Variants in TBC1D30 observed in about 807,000 individuals in gnomAD.
TBC1D30 encodes TBC1 domain family, member 30.
A neutral mutation model predicts 63.2 loss-of-function variants in TBC1D30; 31 were observed. The observed-to-expected ratio is 0.49, with a 90% CI of 0.37 to 0.66. The LOEUF (loss-of-function observed/expected upper bound fraction) is 0.66, where lower values mean the gene tolerates loss of function less well. TBC1D30 is among the 30% of genes least tolerant of loss of function. TBC1D30 has a pLI of 0.00. For missense variants in TBC1D30, 810 were observed against 953.6 expected (o/e 0.85, Z 1.98); for synonymous variants, 307 against 361.5 (o/e 0.85, Z 1.71).
At chr12:64,859,121 G>A (rs1437187411) in intron 8 of TBC1D30, among the ~76,000 whole-genome samples, 8 of 151,864 alleles carry the variant, frequency 5.3e-5, no homozygotes, top group East Asian at 1.9e-4. Context: ...ACATATATGC[G>A]AGGGTGTTGT....
intron 2 of TBC1D30, among the ~76,000 whole-genome samples, chr12:64,803,716 T>C (rs1224802657): frequency 6.6e-6 from 1 of 152,224 alleles, no homozygotes. Context: ...TTTCTACATA[T>C]GGCTAGCCAG....
chr12:64,796,143 G>GT (rs754180803), intron 2 of TBC1D30, among the ~76,000 whole-genome samples: 4,978 of 129,874 alleles, frequency 0.038, 199 homozygotes, highest in African/African-American at 0.11. Flanking sequence ...AAAGTTAAGA[G>GT]TTTTTTTTTT....
chr12:64,793,445 A>T (rs1466472928), intron 2 of TBC1D30, among the ~76,000 whole-genome samples: 1 of 148,592 alleles, frequency 6.7e-6, no homozygotes, highest in Non-Finnish European at 1.5e-5. Context: ...GGAGTTCAAG[A>T]CCATCCTGGC....
rs551101700 is a variant in TBC1D30 at position 64,827,722 on chromosome 12, C to A, written c.155-113C>A. ...AATTGACTAAAATTTAGTAAAGATA[C>A]ATACTTTAAAAAAAATTGTGATGAT... is the stretch of plus-strand genomic sequence containing the variant. On this transcript the variant is annotated intron_variant, in intron 1 of 11. Transcript: ENST00000539867. The A allele has an allele frequency of 2.0e-5, 15 of 762,064 alleles. No homozygotes were observed. The East Asian group carries it at 2.5e-4, about 13-fold the overall frequency. The allele number at this position is 762,064 out of a possible 1,614,324, so 47.2% of individuals were successfully genotyped here.
rs545859099 is a variant in TBC1D30, at chr12:64,878,506, T to C, written c.*2718T>C. ...TACAAAAGCCTCCAGATGATCTAAA[T>C]CTAGTTAGCAATGTCAGCCTGTGGA... On this transcript the variant is annotated 3_prime_UTR_variant, in exon 12 of 12. Coordinates refer to ENST00000539867, the MANE Select transcript of TBC1D30 (RefSeq NM_015279.2). 5 of 456,740 alleles carry C rather than the reference T, an allele frequency of 1.1e-5. No homozygotes were observed. The highest frequency in any genetic ancestry group is 7.7e-5 in the South Asian group (5 of 64,568). The allele number at this position is 456,740 out of a possible 1,614,324, so 28.3% of individuals were successfully genotyped here. A position where few individuals can be genotyped will look rare whatever the true frequency, so the allele number is the denominator to read the frequency against.
At chr12:64,803,140 C>A (rs1021733623) in intron 2 of TBC1D30, among the ~76,000 whole-genome samples, 3 of 152,086 alleles carry the variant, frequency 2.0e-5, no homozygotes, top group Middle Eastern at 3.2e-3. Flanking sequence ...CTATTTCTCC[C>A]CATCCTCTCT....
intron 2 of TBC1D30, among the ~76,000 whole-genome samples, chr12:64,798,158 T>C (rs991917202): frequency 5.9e-5 from 9 of 152,370 alleles, no homozygotes; most frequent in African/African-American, 2.2e-4. Flanking sequence ...AGTTCTGTGT[T>C]GAGTACCTGC....
At chr12:64,764,127 A>T (rs933823793) in intron 1 of TBC1D30, among the ~76,000 whole-genome samples, 1 of 152,214 alleles carries the variant, frequency 6.6e-6, no homozygotes, top group Non-Finnish European at 1.5e-5. Flanking sequence ...TCCTGTTAGA[A>T]AGTAGTGCCC....
intron 5 of TBC1D30, among the ~76,000 whole-genome samples, chr12:64,834,152 C>G (rs1241407181): frequency 6.6e-6 from 1 of 152,050 alleles, no homozygotes; most frequent in Non-Finnish European, 1.5e-5. Context: ...GTGTATAGAT[C>G]TTGTGTTTAG....
chr12:64,867,047 C>A, intron 10 of TBC1D30, 144 bp downstream of exon 10: 1 of 944,214 alleles, frequency 1.1e-6, no homozygotes, highest in Non-Finnish European at 1.5e-6. Flanking sequence ...CATGGTGGGT[C>A]ATGCCTGTAA....
At chr12:64,782,907 AC>A (rs1871364998) in intron 1 of TBC1D30, among the ~76,000 whole-genome samples, 1 of 152,216 alleles carries the variant, frequency 6.6e-6, no homozygotes, top group South Asian at 2.1e-4. Context: ...ACGTGTGCAC[AC>A]ATACACACAC....
upstream of TBC1D30, among the ~76,000 whole-genome samples, chr12:64,823,322 TAC>T (rs1565657502): frequency 1.3e-5 from 2 of 152,238 alleles, no homozygotes; most frequent in Non-Finnish European, 2.9e-5. Context: ...ACTGTTGATG[TAC>T]AGTCATAATA....
intron 1 of TBC1D30, among the ~76,000 whole-genome samples, chr12:64,826,160 T>G (rs1207395001): frequency 1.3e-5 from 2 of 152,136 alleles, no homozygotes; most frequent in Admixed American, 1.3e-4. Context: ...AGATGAAACA[T>G]AAACCTTCTC....
chr12:64,835,457 C>G (rs1005876800), intron 5 of TBC1D30, among the ~76,000 whole-genome samples: 6 of 152,034 alleles, frequency 3.9e-5, no homozygotes, highest in African/African-American at 1.5e-4. Context: ...AGCTACTTTT[C>G]CATCGACATA....
In TBC1D30 at chr12:64,876,439, G is replaced by A. The variant is rs142082027; in HGVS notation, c.*651G>A. 3 of 161,616 alleles carry A rather than the reference G, an allele frequency of 1.9e-5. No homozygotes were observed. The highest frequency in any genetic ancestry group is 2.7e-5 in the Non-Finnish European group (2 of 73,916). The allele number at this position is 161,616 out of a possible 1,614,324, so 10.0% of individuals were successfully genotyped here. A position where few individuals can be genotyped will look rare whatever the true frequency, so the allele number is the denominator to read the frequency against. On this transcript the variant is annotated 3_prime_UTR_variant, in exon 12 of 12. Transcript: ENST00000539867. ...CCTTTCATCTGTTGAAATTTCAATC[G>A]ATAACCCAGCTGAAGATCTTATGCA... is the stretch of plus-strand genomic sequence containing the variant.
upstream of TBC1D30, among the ~76,000 whole-genome samples, chr12:64,777,043 G>A (rs1871101565): frequency 6.6e-6 from 1 of 152,106 alleles, no homozygotes; most frequent in Non-Finnish European, 1.5e-5. Context: ...AAAAGCTTTC[G>A]ATAAAATTCA....
intron 8 of TBC1D30, among the ~76,000 whole-genome samples, chr12:64,857,226 C>G (rs1469306447): frequency 6.6e-6 from 1 of 152,196 alleles, no homozygotes; most frequent in Non-Finnish European, 1.5e-5. Context: ...CAGCATGTCT[C>G]AGAGCTCGGG....
intron 5 of TBC1D30, among the ~76,000 whole-genome samples, chr12:64,833,797 C>T (rs532378437): frequency 6.6e-6 from 1 of 151,472 alleles, no homozygotes; most frequent in African/African-American, 2.4e-5. Context: ...AAGGCAGTGA[C>T]AAATACATGA....
At chr12:64,836,949 CTAGTT>C (rs1263049830) in intron 6 of TBC1D30, among the ~76,000 whole-genome samples, 2 of 152,156 alleles carry the variant, frequency 1.3e-5, no homozygotes, top group Non-Finnish European at 2.9e-5. Context: ...ATCTTACTAT[CTAGTT>C]AAACTGCTCT....
Sources: gnomAD v4.1 joint callset for allele counts (sites outside exome capture counted in the v4.1 genomes callset) on GRCh38, gnomAD v4.1.1 for gene constraint, MANE v1.5 for transcripts, NCBI Gene and HGNC (gene_info 2026-07-23, HGNC 2026-07-21) for gene names.